COL27A1: variants seen among roughly 807,000 people sequenced by gnomAD.
COL27A1 encodes collagen alpha-1(XXVII) chain.
A neutral mutation model predicts 251.3 loss-of-function variants in COL27A1; 106 were observed. The ratio of observed to expected loss-of-function variants is 0.42; its 90% CI spans 0.36 to 0.50. The LOEUF is 0.50. Among genes scored for constraint, COL27A1 ranks in the 20% least tolerant of loss-of-function variants. The pLI is 0.00. For synonymous variants in COL27A1, 1,000 were observed against 986.3 expected, an observed-to-expected ratio of 1.01 and a Z score of -0.26; for missense variants, 2,325 against 2,522.8, an observed-to-expected ratio of 0.92 and a Z score of 1.68.
chr9:114,285,632 C>T (rs913885202), intron 41 of COL27A1, among the ~76,000 whole-genome samples: 3 of 152,158 alleles, frequency 2.0e-5, no homozygotes, highest in East Asian at 3.9e-4. Context: ...GCTGCCCAGC[C>T]GACCCCTTCC....
At chr9:114,246,101 G>A (rs1048635243) in intron 24 of COL27A1, 191 bp downstream of exon 24, 3 of 537,028 alleles carry the variant, frequency 5.6e-6, no homozygotes, top group East Asian at 6.9e-5. Flanking sequence ...CTGTAAATGA[G>A]AAAGCTGTGG....
rs1849078108 is a variant in COL27A1 at position 114,168,649 on chromosome 9, C to T, written c.1094C>T (p.Pro365Leu). The T allele has an allele frequency of 1.2e-6, 2 of 1,614,056 alleles. No homozygotes were observed. The highest frequency in any genetic ancestry group is 1.1e-5 in the South Asian group (1 of 91,092). The stretch of plus-strand genomic sequence containing the variant: ...CAGAAGATCACAGCCACCAAAATCC[C>T]CAAAAGCCTCCCTACCAAGCCTTCG... ...PSQKITATKI[P>L]KSLPTKPSAP... The change falls in exon 3 of 61, where the codon CCC becomes CTC. Residue 365 changes from proline to leucine, a missense_variant. By Grantham distance (98) the Pro-to-Leu change is moderately conservative. Transcript: ENST00000356083.
At chr9:114,258,425 T>C in intron 27 of COL27A1, 116 bp from the exon 28 acceptor site, 1 of 1,046,086 alleles carries the variant, frequency 9.6e-7, no homozygotes, top group Non-Finnish European at 1.4e-6. Context: ...CGGCAGCTTC[T>C]GAACATGCCC....
chr9:114,253,511 GAACA>G (rs1009481405), intron 27 of COL27A1, among the ~76,000 whole-genome samples: 1 of 146,322 alleles, frequency 6.8e-6, no homozygotes, highest in Non-Finnish European at 1.5e-5. Context: ...AAGGAAGGAA[GAACA>G]GAAGAACAGA....
Position 114,167,785 on chromosome 9 carries a change from C to T in COL27A1, c.230C>T (p.Thr77Met), listed in dbSNP as rs137868129. 62 of 1,613,598 alleles carry T rather than the reference C, an allele frequency of 3.8e-5. No homozygotes were observed. Among genetic ancestry groups the T allele is most frequent in the African/African-American group, 1.6e-4 (12 of 75,058 alleles). Residue 77 changes from threonine to methionine, a missense_variant, in exon 3 of 61, where the codon ACG becomes ATG. Around this residue, in one of 4 missense-constraint regions of COL27A1, gnomAD observed 1,183 missense variants for 1,144.1 expected, o/e 1.03. Coordinates refer to ENST00000356083, the MANE Select transcript of COL27A1 (RefSeq NM_032888.4). ...VIPFQSGFIF[T>M]QRARLQAPTG... ...CCTTTCCAGTCGGGCTTCATCTTTA[C>T]GCAGCGGGCCCGGCTCCAGGCTCCC...
At chr9:114,177,124 G>A (rs900342978) in intron 3 of COL27A1, among the ~76,000 whole-genome samples, 1 of 152,214 alleles carries the variant, frequency 6.6e-6, no homozygotes, top group Non-Finnish European at 1.5e-5. Context: ...GGTAAATGCA[G>A]TGGTAGCTAT....
At chr9:114,164,702 C>T (rs750435012) in intron 2 of COL27A1, among the ~76,000 whole-genome samples, 3 of 152,190 alleles carry the variant, frequency 2.0e-5, no homozygotes, top group African/African-American at 4.8e-5. Context: ...CATTCTAAGT[C>T]CCAGTCTATA....
chr9:114,183,714 C>T (rs1476645246), intron 5 of COL27A1, among the ~76,000 whole-genome samples: 1 of 152,070 alleles, frequency 6.6e-6, no homozygotes, highest in Non-Finnish European at 1.5e-5. Context: ...GAACATGTAG[C>T]CCGGTCAAGT....
intron 4 of COL27A1, among the ~76,000 whole-genome samples, chr9:114,182,166 C>G (rs950980890): frequency 8.2e-6 from 1 of 122,288 alleles, no homozygotes; most frequent in African/African-American, 3.1e-5. Context: ...TAGCAAGACT[C>G]CATCTCTATA....
At position 114,205,112 on chromosome 9, in the gene COL27A1, G is replaced by C. The variant is rs1275560463; in HGVS notation, c.2135G>C (p.Gly712Ala). ...TTCCCCCTCCAACAGGGACACAAGGGCTATCCTGGACCGGCAGGGCACCCC... is the reference window on the plus strand; with the variant it reads ...TTCCCCCTCCAACAGGGACACAAGGCCTATCCTGGACCGGCAGGGCACCCC... ...PGPPGRKGHK[G>A]YPGPAGHPGE... Residue 712 changes from glycine to alanine, a missense_variant, in exon 8 of 61, where the codon GGC becomes GCC. This residue lies in a region of COL27A1 where 1,183 missense variants were observed against 1,144.1 expected (regional missense o/e 1.03). Transcript: ENST00000356083. 1.9e-6 allele frequency: 3 copies of C among 1,613,694 alleles called. No homozygotes were observed. Among genetic ancestry groups the C allele is most frequent in the African/African-American group, 1.3e-5 (1 of 75,040 alleles).
At chr9:114,209,621 G>A (rs914055077) in intron 10 of COL27A1, 54 bp from the exon 11 acceptor site, 2 of 1,565,398 alleles carry the variant, frequency 1.3e-6, no homozygotes, top group Admixed American at 1.7e-5. Context: ...GGCAGGTTGG[G>A]CCAGCCACAC....
At chr9:114,272,024 G>C (rs902414569) in intron 36 of COL27A1, 1 of 152,134 alleles carries the variant, frequency 6.6e-6, no homozygotes, top group South Asian at 2.1e-4. Flanking sequence ...CCCAAGACCC[G>C]GAGCATTTGA....
At chr9:114,232,066 G>A (rs904053700) in intron 16 of COL27A1, among the ~76,000 whole-genome samples, 200 bp downstream of exon 16, 6 of 152,140 alleles carry the variant, frequency 3.9e-5, no homozygotes, top group South Asian at 2.1e-4. Context: ...CTGGGAGCCC[G>A]AAAACCTCAG....
intron 28 of COL27A1, among the ~76,000 whole-genome samples, chr9:114,260,000 G>T (rs1421947274): frequency 1.3e-5 from 2 of 150,588 alleles, no homozygotes; most frequent in African/African-American, 2.4e-5. Context: ...CTGGGTGGGG[G>T]GGGGGTCTCT....
At chr9:114,218,003 A>G in intron 12 of COL27A1, 6 of 356,578 alleles carry the variant, frequency 1.7e-5, no homozygotes, top group South Asian at 1.2e-4. Context: ...AATCCCAGCT[A>G]CTTGGGAGGC....
rs757434218 is a variant in COL27A1 at position 114,252,975 on chromosome 9, GA to G, written c.3141+44del. ...GATCCCTAAGCTCAAACCACTGTCA[GA>G]TAAGGGTTAGGTGGCTGGGTGTGGT... On this transcript the variant is annotated intron_variant, in intron 27 of 60. Coordinates refer to ENST00000356083, the MANE Select transcript of COL27A1 (RefSeq NM_032888.4). The G allele has an allele frequency of 2.6e-6, 4 of 1,549,494 alleles. No individual in the cohort carries two copies. In the African/African-American group the frequency reaches 5.4e-5, roughly 21 times the overall value.
chr9:114,182,364 A>G (rs1185043983), intron 4 of COL27A1, among the ~76,000 whole-genome samples: 5 of 151,632 alleles, frequency 3.3e-5, no homozygotes, highest in African/African-American at 1.2e-4. Flanking sequence ...CGACAGAGCA[A>G]GACCCTGCCT....
intron 37 of COL27A1, among the ~76,000 whole-genome samples, chr9:114,281,020 T>G (rs1332698666): frequency 6.6e-6 from 1 of 152,228 alleles, no homozygotes; most frequent in East Asian, 1.9e-4. Context: ...CTCCTCTTCC[T>G]GTCCCTCTTC....
In COL27A1 at chr9:114,255,002, G is replaced by A. The variant is rs117732536; in HGVS notation, c.3141+2070G>A. Among the ~76,000 whole-genome samples, 1,370 of 152,356 alleles carry A rather than the reference G, an allele frequency of 9.0e-3. 4 individuals are homozygous for A. The highest frequency in any genetic ancestry group is 0.014 in the Non-Finnish European group (973 of 68,036). On this transcript the variant is annotated intron_variant, in intron 27 of 60. Transcript: ENST00000356083. ...CCTGGATATAGGTGACCGTCACCCA[G>A]AGGAGAAGGCATCAGCACCAGGGGT... is the stretch of plus-strand genomic sequence containing the variant.
Sources: gnomAD v4.1 joint callset for allele counts (sites outside exome capture counted in the v4.1 genomes callset) on GRCh38, gnomAD v4.1.1 for gene constraint, gnomAD v4.1.1 regional missense constraint, MANE v1.5 for transcripts, NCBI Gene and HGNC (gene_info 2026-07-23, HGNC 2026-07-21) for gene names.